ADAMTSL1: variants seen among roughly 807,000 people sequenced by gnomAD.
The protein encoded by ADAMTSL1 is ADAMTS-like protein 1.
In ADAMTSL1, 126 loss-of-function variants were observed where a neutral mutation model predicts 201.8. The ratio of observed to expected loss-of-function variants is 0.62; its 90% CI spans 0.54 to 0.72. The LOEUF (loss-of-function observed/expected upper bound fraction) is 0.72, where lower values mean the gene tolerates loss of function less well. Ranked by LOEUF, ADAMTSL1 falls within the 30% of genes least tolerant of loss-of-function variation. The pLI is 0.00. For missense variants in ADAMTSL1, 2,679 were observed against 2,277.8 expected (o/e 1.18, Z -3.59); for synonymous variants, 1,121 against 903.4 (o/e 1.24, Z -4.32).
chr9:17,926,378 C>A (rs1487297125), intron 1 of ADAMTSL1, among the ~76,000 whole-genome samples: 1 of 152,096 alleles, frequency 6.6e-6, no homozygotes, highest in Non-Finnish European at 1.5e-5. Flanking sequence ...TTAACACCAC[C>A]AAGGTTTATT....
At chr9:17,943,766 T>G (rs1827339655) in intron 1 of ADAMTSL1, among the ~76,000 whole-genome samples, 1 of 152,066 alleles carries the variant, frequency 6.6e-6, no homozygotes, top group African/African-American at 2.4e-5. Context: ...AAGAAATACC[T>G]GAGACTGGGT....
chr9:17,997,266 CTTTCA>C (rs1819420802), intron 1 of ADAMTSL1, among the ~76,000 whole-genome samples: 1 of 152,058 alleles, frequency 6.6e-6, no homozygotes, highest in Non-Finnish European at 1.5e-5. Flanking sequence ...AAGAATCTTT[CTTTCA>C]TTTAATTGAT....
Position 18,587,561 on chromosome 9 carries a change from G to C in ADAMTSL1, c.474+13295G>C, listed in dbSNP as rs747324417. ...TATTGTCACTATAATTTTCCCCACT[G>C]TACTGTCAAATACCAGAACTTATTC... On this transcript the variant is annotated intron_variant, in intron 4 of 28. Transcript: ENST00000380548. 2.2e-4 allele frequency among the ~76,000 whole-genome samples: 33 copies of C among 152,222 alleles called. 1 individual carries two copies. The highest frequency in any genetic ancestry group is 2.8e-4 in the Non-Finnish European group (19 of 67,992).
chr9:18,669,156 G>A (rs1829653371), intron 9 of ADAMTSL1, among the ~76,000 whole-genome samples: 1 of 152,206 alleles, frequency 6.6e-6, no homozygotes. Context: ...ACAATGCCAA[G>A]TCTGGGTGTT....
At chr9:18,404,660 C>T (rs1347874224) in intron 2 of ADAMTSL1, among the ~76,000 whole-genome samples, 2 of 152,310 alleles carry the variant, frequency 1.3e-5, no homozygotes, top group East Asian at 3.9e-4. Context: ...TCTCTCACCA[C>T]CTCCCCTGTC....
chr9:18,039,542 T>C (rs932291854), intron 1 of ADAMTSL1, among the ~76,000 whole-genome samples: 5 of 152,196 alleles, frequency 3.3e-5, no homozygotes, highest in African/African-American at 1.2e-4. Context: ...AGGGTTTCTT[T>C]CTACGGAACA....
chr9:18,647,320 G>T (rs1827882410), intron 7 of ADAMTSL1, among the ~76,000 whole-genome samples: 1 of 150,506 alleles, frequency 6.6e-6, no homozygotes, highest in Non-Finnish European at 1.5e-5. Flanking sequence ...CAATTTTGTT[G>T]ATCCTTTCAA....
At chr9:18,131,406 A>T (rs1825948498) in intron 1 of ADAMTSL1, among the ~76,000 whole-genome samples, 2 of 152,180 alleles carry the variant, frequency 1.3e-5, no homozygotes. Flanking sequence ...TCAAGGTTGT[A>T]TGAGTGCTGC....
intron 23 of ADAMTSL1, among the ~76,000 whole-genome samples, chr9:18,830,620 C>A (rs16937129): frequency 6.6e-6 from 1 of 152,040 alleles, no homozygotes; most frequent in Non-Finnish European, 1.5e-5. Flanking sequence ...GCATTCAAGT[C>A]CTGGGCCCCC....
intron 2 of ADAMTSL1, among the ~76,000 whole-genome samples, chr9:18,301,419 A>T (rs1367263861): frequency 6.6e-6 from 1 of 152,192 alleles, no homozygotes; most frequent in Non-Finnish European, 1.5e-5. Context: ...CATGACCCCC[A>T]GTGGATGCCT....
intron 2 of ADAMTSL1, among the ~76,000 whole-genome samples, chr9:18,458,168 T>C (rs1820678211): frequency 6.6e-6 from 1 of 152,220 alleles, no homozygotes; most frequent in Non-Finnish European, 1.5e-5. Flanking sequence ...TGAAGGGACC[T>C]TGAAAGGCTG....
intron 9 of ADAMTSL1, among the ~76,000 whole-genome samples, chr9:18,674,960 C>G (rs1181180224): frequency 1.3e-5 from 2 of 151,582 alleles, no homozygotes; most frequent in East Asian, 1.9e-4. Flanking sequence ...CCAGTCTTAC[C>G]AATTGGAGAC....
At chr9:18,070,901 C>T (rs964079146) in intron 1 of ADAMTSL1, among the ~76,000 whole-genome samples, 1 of 152,146 alleles carries the variant, frequency 6.6e-6, no homozygotes, top group Non-Finnish European at 1.5e-5. Context: ...GAATGTTGTC[C>T]AGCAGCACTT....
chr9:18,483,735 G>A lies in ADAMTSL1; in HGVS notation c.63+9440G>A, dbSNP rs554931201. 2.6e-5 allele frequency among the ~76,000 whole-genome samples: 4 copies of A among 152,300 alleles called. No homozygotes were observed. In the South Asian group the frequency reaches 8.3e-4, roughly 32 times the overall value. ...CCAGCTACTCGGGATGCTGAGGCAG[G>A]AGAATGGCGTGAACCTGGGAGGCGG... On this transcript the variant is annotated intron_variant, in intron 1 of 28. Coordinates refer to ENST00000380548, the MANE Select transcript of ADAMTSL1 (RefSeq NM_001040272.6).
chr9:18,429,200 A>G (rs1819371314), intron 2 of ADAMTSL1, among the ~76,000 whole-genome samples: 1 of 152,146 alleles, frequency 6.6e-6, no homozygotes, highest in Non-Finnish European at 1.5e-5. Context: ...TTGCCACTAG[A>G]TCAGCTATAC....
At chr9:18,734,867 C>A (rs560116) in intron 15 of ADAMTSL1, among the ~76,000 whole-genome samples, 11,836 of 152,248 alleles carry the variant, frequency 0.078, 511 homozygotes, top group East Asian at 0.16. Context: ...GCCTTCCATC[C>A]CCTTTCAGTC....
At chr9:18,518,171 AG>A (rs2132013766) in intron 2 of ADAMTSL1, among the ~76,000 whole-genome samples, 1 of 152,302 alleles carries the variant, frequency 6.6e-6, no homozygotes, top group African/African-American at 2.4e-5. Context: ...TTTTAGATTC[AG>A]GGGGTACATG....
At chr9:18,584,470 A>G (rs890496796) in intron 4 of ADAMTSL1, among the ~76,000 whole-genome samples, 2 of 152,160 alleles carry the variant, frequency 1.3e-5, no homozygotes, top group African/African-American at 2.4e-5. Context: ...ACAGACTAAT[A>G]CATCGCTGAA....
chr9:18,301,335 G>T (rs1342046045), intron 2 of ADAMTSL1, among the ~76,000 whole-genome samples: 1 of 152,186 alleles, frequency 6.6e-6, no homozygotes, highest in Non-Finnish European at 1.5e-5. Flanking sequence ...TCAGAAAACA[G>T]TAGATAAATT....
Sources: gnomAD v4.1 joint callset for allele counts (sites outside exome capture counted in the v4.1 genomes callset) on GRCh38, gnomAD v4.1.1 for gene constraint, MANE v1.5 for transcripts, NCBI Gene and HGNC (gene_info 2026-07-23, HGNC 2026-07-21) for gene names.